TRPM1: variants seen among roughly 807,000 people sequenced by gnomAD.
TRPM1 encodes the protein TRPM1-203 APA Isoform, Intron 10.
Under a neutral mutation model 149.4 loss-of-function variants are expected in TRPM1, and 113 were observed. The observed-to-expected ratio is 0.76, with a 90% confidence interval of 0.65 to 0.88. The LOEUF (loss-of-function observed/expected upper bound fraction) is 0.88, where lower values mean the gene tolerates loss of function less well. Ranked by LOEUF, TRPM1 falls within the 40% of genes least tolerant of loss-of-function variation. The pLI is 0.00. For missense variants in TRPM1, 1,976 were observed against 2,038.7 expected, an observed-to-expected ratio of 0.97 and a Z score of 0.59; for synonymous variants, 741 against 759.5, an observed-to-expected ratio of 0.98 and a Z score of 0.40.
At chr15:31,090,762 C>CT (rs979038045) in intron 1 of TRPM1, among the ~76,000 whole-genome samples, 40 of 152,112 alleles carry the variant, frequency 2.6e-4, no homozygotes, top group African/African-American at 8.9e-4. Context: ...GAAAGTGGCT[C>CT]TTTTTTTAAA....
chr15:31,089,986 T>C (rs2035186659), intron 1 of TRPM1, among the ~76,000 whole-genome samples: 1 of 152,138 alleles, frequency 6.6e-6, no homozygotes, highest in Admixed American at 6.5e-5. Flanking sequence ...TTGCTTAAAA[T>C]TTAAAACAAA....
At chr15:31,069,452 G>T (rs892744178) in intron 4 of TRPM1, 8 of 1,019,268 alleles carry the variant, frequency 7.8e-6, no homozygotes, top group African/African-American at 1.7e-5. Flanking sequence ...AAATGAAATT[G>T]CAAAAAGTCT....
chr15:31,088,883 A>G (rs986555551), intron 1 of TRPM1, among the ~76,000 whole-genome samples: 3 of 151,194 alleles, frequency 2.0e-5, no homozygotes, highest in Non-Finnish European at 4.4e-5. Flanking sequence ...GGCCCCCCCG[A>G]GCGGGAGATC....
intron 1 of TRPM1, among the ~76,000 whole-genome samples, chr15:31,088,565 T>C (rs906722668): frequency 2.0e-5 from 3 of 152,160 alleles, no homozygotes; most frequent in African/African-American, 7.2e-5. Flanking sequence ...AGTCTGCGGC[T>C]TCACTGCTGA....
In TRPM1 at chr15:31,131,283, G is replaced by GT. The variant is rs201373517; in HGVS notation, c.54+29622dup. Among the ~76,000 whole-genome samples, 826 of 152,330 alleles carry GT rather than the reference G, an allele frequency of 5.4e-3. 36 individuals carry two copies. Among genetic ancestry groups the GT allele is most frequent in the Admixed American group, 0.052 (794 of 15,298 alleles). The stretch of plus-strand genomic sequence containing the variant: ...TTAATCACAGCCCCAACGCGCAAAA[G>GT]TAGTGATGCTGGCAATTCAGATATG... On this transcript the variant is annotated intron_variant, in intron 1 of 26. Coordinates refer to the TRPM1 transcript ENST00000542188.
chr15:31,009,440 G>A (rs2032105137), intron 27 of TRPM1, among the ~76,000 whole-genome samples: 1 of 151,980 alleles, frequency 6.6e-6, no homozygotes, highest in Non-Finnish European at 1.5e-5. Flanking sequence ...AGTAAGTAAT[G>A]TATCATTTTT....
intron 1 of TRPM1, among the ~76,000 whole-genome samples, chr15:31,096,411 A>G (rs1567052685): frequency 2.0e-5 from 3 of 152,248 alleles, no homozygotes; most frequent in African/African-American, 7.2e-5. Context: ...CTTCGGATCC[A>G]TGTGTGTCCC....
At chr15:31,017,258 G>A (rs545781020) in intron 27 of TRPM1, among the ~76,000 whole-genome samples, 3 of 152,254 alleles carry the variant, frequency 2.0e-5, no homozygotes, top group East Asian at 3.9e-4. Flanking sequence ...GCAGTGAGCC[G>A]AGATCACGCC....
rs111421899 is a variant in TRPM1 at position 31,002,693 on chromosome 15, G to A, written c.4007C>T (p.Thr1336Met). 1,610 of 1,614,170 alleles carry A rather than the reference G, an allele frequency of 1.0e-3. 12 individuals carry two copies. In the African/African-American group the frequency reaches 0.018, roughly 18 times the overall value. ...FRIKEEKDVK[T>M]HLVPECQNSL... Reference sequence around the variant, plus strand: ...GTTCTGACATTCTGGGACTAGGTGCGTTTTCACGTCCTTCTCTTCCTTTAT... The same window carrying A: ...GTTCTGACATTCTGGGACTAGGTGCATTTTCACGTCCTTCTCTTCCTTTAT... The change falls in exon 28 of 28, where the codon ACG becomes ATG. Residue 1336 changes from threonine (T) to methionine (M), a missense_variant. Coordinates refer to ENST00000256552, the MANE Select transcript of TRPM1 (RefSeq NM_001252024.2).
chr15:31,068,218 G>GA lies in TRPM1; in HGVS notation c.280-127_280-126insT, dbSNP rs2034436989. The GA allele has an allele frequency of 4.8e-5, 41 of 858,462 alleles. 1 individual carries two copies. The South Asian group carries it at 5.6e-4, about 12-fold the overall frequency. 53.2% of individuals were successfully genotyped at this position (858,462 alleles called of 1,614,324 possible). A position where few individuals can be genotyped will look rare whatever the true frequency, so the allele number is the denominator to read the frequency against. ...CTTGTCTCTTCCTCAGGGCCCTGGA[G>GA]CCCTCTGTGTGAGTCTGTGGCCAAG... On this transcript the variant is annotated intron_variant, in intron 4 of 27. Transcript: ENST00000256552.
chr15:31,150,949 G>A (rs1024188262), intron 1 of TRPM1, among the ~76,000 whole-genome samples: 5 of 152,138 alleles, frequency 3.3e-5, no homozygotes, highest in Admixed American at 6.6e-5. Context: ...GTCCACATGC[G>A]CATTAGGAGG....
intron 2 of TRPM1, among the ~76,000 whole-genome samples, chr15:31,078,170 T>G (rs1333973481): frequency 6.6e-6 from 1 of 152,104 alleles, no homozygotes; most frequent in Non-Finnish European, 1.5e-5. Context: ...GACTGAGGTA[T>G]CTGCGGGGTG....
At chr15:31,080,484 C>G (rs749883369) in intron 2 of TRPM1, among the ~76,000 whole-genome samples, 1 of 152,146 alleles carries the variant, frequency 6.6e-6, no homozygotes, top group Non-Finnish European at 1.5e-5. Flanking sequence ...ACAGCCCGAA[C>G]TGAGGGCCAT....
chr15:31,090,468 C>G (rs919676065), intron 1 of TRPM1, among the ~76,000 whole-genome samples: 2 of 152,038 alleles, frequency 1.3e-5, no homozygotes, highest in Admixed American at 1.3e-4. Flanking sequence ...GAAATGCCAT[C>G]TTTACTAAAA....
Position 31,066,278 on chromosome 15 carries a change from G to A in TRPM1, c.619-31C>T, listed in dbSNP as rs2034374123. 1.9e-6 allele frequency: 3 copies of A among 1,613,796 alleles called. No homozygotes were observed. The East Asian group carries it at 6.7e-5, about 36-fold the overall frequency. ...AAAGTGCACAGCGCAAATCAGACCT[G>A]CAGGACTTGGATGTTAAGACCAACA... On this transcript the variant is annotated intron_variant, in intron 6 of 27. Transcript: ENST00000256552.
chr15:31,069,984 A>G (rs376039086), intron 4 of TRPM1, 47 bp downstream of exon 4: 24 of 1,614,146 alleles, frequency 1.5e-5, no homozygotes, highest in African/African-American at 8.0e-5. Flanking sequence ...CTGGCCGCCA[A>G]TGAAAGCTGT....
At chr15:31,152,460 T>TA (rs2036316921) in intron 1 of TRPM1, among the ~76,000 whole-genome samples, 1 of 152,096 alleles carries the variant, frequency 6.6e-6, no homozygotes, top group Non-Finnish European at 1.5e-5. Flanking sequence ...GGCTGTGAAC[T>TA]AAAAACAAAA....
At chr15:31,017,833 A>AAC (rs1442271957) in intron 27 of TRPM1, among the ~76,000 whole-genome samples, 1 of 152,080 alleles carries the variant, frequency 6.6e-6, no homozygotes, top group African/African-American at 2.4e-5. Flanking sequence ...GAATTTGTGG[A>AAC]ACTTTTGCAT....
At chr15:31,021,337 A>T (rs919712773) in intron 27 of TRPM1, among the ~76,000 whole-genome samples, 1 of 152,148 alleles carries the variant, frequency 6.6e-6, no homozygotes, top group Non-Finnish European at 1.5e-5. Context: ...TTCTGGTCAC[A>T]TGGGAAGAGG....
Sources: gnomAD v4.1 joint callset for allele counts (sites outside exome capture counted in the v4.1 genomes callset) on GRCh38, gnomAD v4.1.1 for gene constraint, MANE v1.5 for transcripts, NCBI Gene and HGNC (gene_info 2026-07-23, HGNC 2026-07-21) for gene names.